The following EXOC6B variants were observed in gnomAD, a reference collection of about 807,000 sequenced individuals.
EXOC6B encodes SEC15 homolog B.
Under a neutral mutation model 113.5 loss-of-function variants are expected in EXOC6B, and 54 were observed. The ratio of observed to expected loss-of-function variants is 0.48; its 90% CI spans 0.38 to 0.60. The LOEUF is 0.60. EXOC6B is among the 20% of genes least tolerant of loss of function. EXOC6B has a pLI of 0.00. For missense variants in EXOC6B, 797 were observed against 977.5 expected (o/e 0.82, Z 2.46); for synonymous variants, 357 against 339.0 (o/e 1.05, Z -0.58).
At position 72,495,539 on chromosome 2, in the gene EXOC6B, G is replaced by C. The variant is rs1218870902; in HGVS notation, c.1444C>G (p.Gln482Glu). 1 of 1,532,498 alleles carries C rather than the reference G, an allele frequency of 6.5e-7. No homozygotes were observed. The highest frequency in any genetic ancestry group is 1.7e-4 in the Middle Eastern group (1 of 5,908). The allele number at this position is 1,532,498 out of a possible 1,614,324, so 94.9% of individuals were successfully genotyped here. A position where few individuals can be genotyped will look rare whatever the true frequency, so the allele number is the denominator to read the frequency against. ...FPFQDIELEK[Q>E]PFPKKFPFSE... The stretch of plus-strand genomic sequence containing the variant: ...AAAGGAAACTTTTTTGGAAATGGTT[G>C]CTGTAAATGCAAGAAGTAATGAAAT... Residue 482 changes from glutamine to glutamate, a missense_variant and splice_region_variant, in exon 15 of 22, where the codon CAA becomes GAA. Gln to Glu is a conservative substitution (Grantham distance 29, BLOSUM62 2). Transcript: ENST00000272427.
intron 20 of EXOC6B, among the ~76,000 whole-genome samples, chr2:72,331,280 A>C (rs1472240979): frequency 6.6e-6 from 1 of 152,154 alleles, no homozygotes; most frequent in African/African-American, 2.4e-5. Flanking sequence ...TGATTTGTAC[A>C]CAGTAGGCAC....
intron 21 of EXOC6B, 32 bp from the exon 22 acceptor site, chr2:72,179,493 T>A: frequency 1.2e-6 from 2 of 1,613,290 alleles, no homozygotes; most frequent in Non-Finnish European, 1.7e-6. Context: ...GAGGGCAACA[T>A]GTTTGAGGAA....
intron 17 of EXOC6B, among the ~76,000 whole-genome samples, chr2:72,479,303 T>C (rs975575544): frequency 2.6e-5 from 4 of 152,210 alleles, no homozygotes; most frequent in African/African-American, 9.6e-5. Flanking sequence ...ACATTGTGTT[T>C]TTTTCAAACA....
chr2:72,502,557 A>C (rs1005943467), intron 11 of EXOC6B, among the ~76,000 whole-genome samples: 2 of 152,146 alleles, frequency 1.3e-5, no homozygotes, highest in African/African-American at 4.8e-5. Context: ...CAAAAATATA[A>C]ATAAAAATAA....
intron 8 of EXOC6B, among the ~76,000 whole-genome samples, chr2:72,522,380 A>G (rs1448396929): frequency 6.6e-6 from 1 of 152,170 alleles, no homozygotes; most frequent in East Asian, 1.9e-4. Flanking sequence ...GGGTTTTATC[A>G]AAAAATAACA....
intron 1 of EXOC6B, among the ~76,000 whole-genome samples, chr2:72,797,708 G>T (rs1049099260): frequency 1.3e-5 from 2 of 152,178 alleles, no homozygotes; most frequent in African/African-American, 4.8e-5. Flanking sequence ...CAGCTACTCA[G>T]GAGGCTGAGG....
chr2:72,581,981 C>T (rs1471635637), intron 6 of EXOC6B, among the ~76,000 whole-genome samples: 1 of 152,114 alleles, frequency 6.6e-6, no homozygotes, highest in East Asian at 1.9e-4. Context: ...CAGATATATA[C>T]CCAACCACAT....
chr2:72,216,091 C>A (rs1191426087), intron 20 of EXOC6B, among the ~76,000 whole-genome samples: 2 of 151,816 alleles, frequency 1.3e-5, no homozygotes, highest in East Asian at 3.9e-4. Context: ...AAACGATCAC[C>A]GAGAATGGAA....
intron 20 of EXOC6B, among the ~76,000 whole-genome samples, chr2:72,225,017 CT>C (rs561909036): frequency 0.044 from 4,573 of 104,372 alleles, 147 homozygotes; most frequent in Admixed American, 0.11. Context: ...AATACACATA[CT>C]TTTTTTTTTT....
chr2:72,515,580 A>T (rs1208058997), intron 8 of EXOC6B: 2 of 1,004,456 alleles, frequency 2.0e-6, no homozygotes, highest in African/African-American at 1.7e-5. Context: ...GAGAACAGTA[A>T]ATTAGTATTC....
intron 7 of EXOC6B, among the ~76,000 whole-genome samples, chr2:72,571,915 T>C (rs1032766980): frequency 5.3e-5 from 8 of 152,132 alleles, no homozygotes; most frequent in Non-Finnish European, 1.2e-4. Flanking sequence ...GTAATAGCCT[T>C]AAAATGTTAT....
At chr2:72,232,375 T>C (rs933853503) in intron 20 of EXOC6B, among the ~76,000 whole-genome samples, 3 of 152,124 alleles carry the variant, frequency 2.0e-5, no homozygotes, top group African/African-American at 7.2e-5. Flanking sequence ...GGGAGTAAAT[T>C]GGTAAAAATG....
At chr2:72,567,079 T>C (rs983677236) in intron 7 of EXOC6B, among the ~76,000 whole-genome samples, 1 of 152,010 alleles carries the variant, frequency 6.6e-6, no homozygotes, top group African/African-American at 2.4e-5. Flanking sequence ...TCTTCTTATA[T>C]AGTTTTGCCT....
At chr2:72,594,197 GC>G (rs1488562654) in intron 6 of EXOC6B, among the ~76,000 whole-genome samples, 1 of 152,070 alleles carries the variant, frequency 6.6e-6, no homozygotes, top group East Asian at 1.9e-4. Flanking sequence ...TGCCCGGGCT[GC>G]TCTCAAACTC....
chr2:72,717,838 A>G (rs1399616943), intron 6 of EXOC6B, among the ~76,000 whole-genome samples: 1 of 152,214 alleles, frequency 6.6e-6, no homozygotes, highest in East Asian at 1.9e-4. Context: ...GAAGTATACA[A>G]ACAGTAGAAA....
intron 6 of EXOC6B, among the ~76,000 whole-genome samples, chr2:72,605,284 C>T (rs1670684065): frequency 1.4e-5 from 2 of 145,158 alleles, no homozygotes; most frequent in South Asian, 4.3e-4. Context: ...ACTCTGTCTC[C>T]CAAAAAAAAA....
intron 1 of EXOC6B, among the ~76,000 whole-genome samples, chr2:72,778,532 G>A (rs1683838788): frequency 6.6e-6 from 1 of 152,132 alleles, no homozygotes; most frequent in Non-Finnish European, 1.5e-5. Flanking sequence ...TGCATAGGTA[G>A]GAACAAATGT....
At chr2:72,672,546 C>CAAAAAAAAAAA (rs60924280) in intron 6 of EXOC6B, among the ~76,000 whole-genome samples, 2 of 88,560 alleles carry the variant, frequency 2.3e-5, no homozygotes, top group African/African-American at 8.0e-5. Context: ...GACTCTGTCT[C>CAAAAAAAAAAA]AAAAAAAAAA....
At chr2:72,290,057 C>T (rs1685690009) in intron 20 of EXOC6B, among the ~76,000 whole-genome samples, 1 of 152,206 alleles carries the variant, frequency 6.6e-6, no homozygotes, top group African/African-American at 2.4e-5. Flanking sequence ...AAACCATTCA[C>T]TTTTCCTGGG....
Sources: gnomAD v4.1 joint callset for allele counts (sites outside exome capture counted in the v4.1 genomes callset) on GRCh38, gnomAD v4.1.1 for gene constraint, MANE v1.5 for transcripts, NCBI Gene and HGNC (gene_info 2026-07-23, HGNC 2026-07-21) for gene names.